ELF5: variants seen among roughly 807,000 people sequenced by gnomAD.
ELF5 encodes the protein ETS-related transcription factor Elf-5.
ELF5 carries 31 observed loss-of-function variants against 38.2 expected under a neutral mutation model. That is an observed-to-expected ratio of 0.81 (90% CI 0.61 to 1.10). The LOEUF (loss-of-function observed/expected upper bound fraction) is 1.10, where lower values mean the gene tolerates loss of function less well. Ranked by LOEUF, ELF5 falls within the 50% of genes least tolerant of loss-of-function variation. ELF5 has a pLI of 0.00. For missense variants in ELF5, 300 were observed against 306.6 expected, an observed-to-expected ratio of 0.98 and a Z score of 0.16; for synonymous variants, 121 against 112.5, an observed-to-expected ratio of 1.08 and a Z score of -0.48.
At chr11:34,489,465 A>G (rs1850102653) in intron 4 of ELF5, among the ~76,000 whole-genome samples, 1 of 152,186 alleles carries the variant, frequency 6.6e-6, no homozygotes, top group Admixed American at 6.5e-5. Context: ...TCTTTGAAAA[A>G]TGAAAGCACC....
At chr11:34,490,117 A>G in intron 3 of ELF5, 58 bp from the exon 4 acceptor site, 2 of 1,579,940 alleles carry the variant, frequency 1.3e-6, no homozygotes, top group South Asian at 1.1e-5. Flanking sequence ...TCCACTGGCC[A>G]GGCCAGGAGA....
chr11:34,500,035 G>A (rs974383434), intron 2 of ELF5, among the ~76,000 whole-genome samples: 1 of 152,200 alleles, frequency 6.6e-6, no homozygotes, highest in African/African-American at 2.4e-5. Flanking sequence ...CTGAATGACA[G>A]TAAGTTTTCA....
At chr11:34,504,646 C>T (rs907439050) in intron 2 of ELF5, among the ~76,000 whole-genome samples, 2 of 152,244 alleles carry the variant, frequency 1.3e-5, no homozygotes, top group African/African-American at 4.8e-5. Context: ...GGACTGACAG[C>T]TTGATTGGCA....
intron 4 of ELF5, among the ~76,000 whole-genome samples, chr11:34,488,956 T>A (rs1021303306): frequency 2.0e-5 from 3 of 152,130 alleles, no homozygotes; most frequent in African/African-American, 7.2e-5. Flanking sequence ...TCACAAGGGA[T>A]TCTACCAGCA....
chr11:34,493,150 C>T (rs920428659), intron 3 of ELF5: 1 of 492,590 alleles, frequency 2.0e-6, no homozygotes, highest in Non-Finnish European at 3.6e-6. Flanking sequence ...AAGCACAAAC[C>T]TCTTTTTTGT....
intron 4 of ELF5, among the ~76,000 whole-genome samples, chr11:34,484,718 T>A (rs1849942427): frequency 6.6e-6 from 1 of 152,158 alleles, no homozygotes; most frequent in Admixed American, 6.5e-5. Context: ...GGATGAAGGC[T>A]GCACATTAGA....
intron 6 of ELF5, 41 bp downstream of exon 6, chr11:34,480,731 C>T (rs1856918301): frequency 1.3e-6 from 2 of 1,599,302 alleles, no homozygotes; most frequent in Admixed American, 1.7e-5. Context: ...TTGTATATAA[C>T]TCTTCTTGAA....
rs111444312 is a variant in ELF5 at position 34,484,481 on chromosome 11, A to ATACTATCCTAT, written c.407-1983_407-1982insATAGGATAGTA. Among the ~76,000 whole-genome samples, 999 of 115,918 alleles carry ATACTATCCTAT rather than the reference A, an allele frequency of 8.6e-3. 16 individuals carry two copies. The highest frequency in any genetic ancestry group is 0.031 in the African/African-American group (929 of 30,032). 76.0% of individuals were successfully genotyped at this position (115,918 alleles called of 152,430 possible). A position where few individuals can be genotyped will look rare whatever the true frequency, so the allele number is the denominator to read the frequency against. On this transcript the variant is annotated intron_variant, in intron 4 of 6. Transcript: ENST00000257832. The stretch of plus-strand genomic sequence containing the variant: ...ATACTGTACTGTGCTACACTATACT[A>ATACTATCCTAT]ACTATACTATACTATACTATACTAT...
intron 2 of ELF5, among the ~76,000 whole-genome samples, chr11:34,501,742 C>T (rs1048150610): frequency 1.5e-4 from 23 of 152,086 alleles, no homozygotes; most frequent in African/African-American, 5.6e-4. Flanking sequence ...AGAAGTCCTG[C>T]TTCAAAGAGC....
Position 34,505,690 on chromosome 11 carries a change from CA to C in ELF5, c.59del (p.Leu20ArgfsTer73), listed in dbSNP as rs1564985476. The C allele has an allele frequency of 1.9e-6, 3 of 1,614,100 alleles. No homozygotes were observed. Among genetic ancestry groups the C allele is most frequent in the Non-Finnish European group, 2.5e-6 (3 of 1,179,986 alleles). On this transcript the variant is annotated frameshift_variant, in exon 2 of 7. Coordinates refer to ENST00000257832, the MANE Select transcript of ELF5 (RefSeq NM_001422.4). LOFTEE classifies it high-confidence loss of function. ...FLPNASFCDP[L>X]MSWTDLFSNE... ...TGCTGAACAGATCAGTCCACGACATCAGGGGATCGCAGAAGGATGCATTAGG... is the reference window on the plus strand; with the variant it reads ...TGCTGAACAGATCAGTCCACGACATCGGGGATCGCAGAAGGATGCATTAGG...
chr11:34,511,591 C>A (rs775026529), intron 1 of ELF5: 38 of 1,614,090 alleles, frequency 2.4e-5, no homozygotes, highest in Admixed American at 3.3e-5. Flanking sequence ...TCCCCAGATG[C>A]CTCCAGTGGC....
intron 4 of ELF5, among the ~76,000 whole-genome samples, chr11:34,489,342 T>A (rs1850099234): frequency 6.6e-6 from 1 of 152,160 alleles, no homozygotes; most frequent in South Asian, 2.1e-4. Flanking sequence ...CTCTGCTCCC[T>A]CTCTGCAGAT....
chr11:34,489,921 T>G (rs1850117818), intron 4 of ELF5, 88 bp downstream of exon 4: 1 of 1,501,684 alleles, frequency 6.7e-7, no homozygotes, highest in South Asian at 1.1e-5. Flanking sequence ...TTCATCAGCT[T>G]TTCAGTATGA....
chr11:34,505,834 GAT>G, intron 1 of ELF5, 81 bp from the exon 2 acceptor site: 29 of 1,479,102 alleles, frequency 2.0e-5, no homozygotes, highest in Non-Finnish European at 2.5e-5. Context: ...CTAGCAGGGC[GAT>G]ACTTGTTTTT....
At chr11:34,487,639 C>T (rs777566574) in intron 4 of ELF5, among the ~76,000 whole-genome samples, 2 of 152,206 alleles carry the variant, frequency 1.3e-5, no homozygotes, top group South Asian at 2.1e-4. Flanking sequence ...GTGATCTGGC[C>T]CTATCCTGCT....
chr11:34,511,922 C>T (rs879697434), intron 1 of ELF5: 4 of 287,332 alleles, frequency 1.4e-5, no homozygotes, highest in Non-Finnish European at 2.7e-5. Context: ...GTTTACGGGC[C>T]AAATCATCAC....
At chr11:34,504,630 CAGTG>C (rs1850559871) in intron 2 of ELF5, among the ~76,000 whole-genome samples, 1 of 152,238 alleles carries the variant, frequency 6.6e-6, no homozygotes, top group Admixed American at 6.5e-5. Flanking sequence ...GGTTAACACT[CAGTG>C]AGGACTGACA....
chr11:34,485,408 G>C lies in ELF5; in HGVS notation c.407-2909C>G, dbSNP rs369292603. Among the ~76,000 whole-genome samples, 3 of 152,206 alleles carry C rather than the reference G, an allele frequency of 2.0e-5. No individual in the cohort carries two copies. In the East Asian group the frequency reaches 5.8e-4, roughly 29 times the overall value. On this transcript the variant is annotated intron_variant, in intron 4 of 6. Transcript: ENST00000257832. Reference sequence around the variant, plus strand: ...ATTACTACCCCCAGATCGATCTGTTGTTTTGATTTAATCTTTTAGGAGAAG... The same window carrying C: ...ATTACTACCCCCAGATCGATCTGTTCTTTTGATTTAATCTTTTAGGAGAAG...
intron 2 of ELF5, among the ~76,000 whole-genome samples, chr11:34,500,144 C>G (rs1850425439): frequency 6.6e-6 from 1 of 152,170 alleles, no homozygotes; most frequent in Non-Finnish European, 1.5e-5. Flanking sequence ...TACAGTAAAG[C>G]AAGCTCAGGG....
Sources: gnomAD v4.1 joint callset for allele counts (sites outside exome capture counted in the v4.1 genomes callset) on GRCh38, gnomAD v4.1.1 for gene constraint, MANE v1.5 for transcripts, NCBI Gene and HGNC (gene_info 2026-07-23, HGNC 2026-07-21) for gene names.